The following TMCC2 variants were observed in gnomAD, a reference collection of about 807,000 sequenced individuals.
The protein encoded by TMCC2 is transmembrane and coiled-coil domains protein 2.
TMCC2 carries 16 observed loss-of-function variants against 49.4 expected under a neutral mutation model. That is an observed-to-expected ratio of 0.32 (90% CI 0.22 to 0.49). TMCC2 has a LOEUF of 0.49. Ranked by LOEUF, TMCC2 falls within the 20% of genes least tolerant of loss-of-function variation. The pLI is 0.99. For synonymous variants in TMCC2, 397 were observed against 434.1 expected (o/e 0.91, Z 1.06); for missense variants, 762 against 989.8 (o/e 0.77, Z 3.09).
chr1:205,265,194 AG>A (rs1661274028), intron 2 of TMCC2, among the ~76,000 whole-genome samples: 1 of 152,182 alleles, frequency 6.6e-6, no homozygotes, highest in Non-Finnish European at 1.5e-5. Context: ...CGAGGGGGCC[AG>A]GGCTTCAGCC....
At chr1:205,263,764 G>A (rs1222189347) in intron 2 of TMCC2, among the ~76,000 whole-genome samples, 1 of 152,192 alleles carries the variant, frequency 6.6e-6, no homozygotes, top group Non-Finnish European at 1.5e-5. Context: ...CATCGCTGTG[G>A]AGTGAGGCTG....
chr1:205,261,122 G>A (rs1364508824), intron 2 of TMCC2, among the ~76,000 whole-genome samples: 5 of 151,584 alleles, frequency 3.3e-5, no homozygotes, highest in African/African-American at 4.9e-5. Context: ...TTCCACATCA[G>A]CTGTGCTGTT....
At chr1:205,267,857 G>T in intron 2 of TMCC2, 1 of 985,080 alleles carries the variant, frequency 1.0e-6, no homozygotes, top group Non-Finnish European at 1.2e-6. Context: ...GCAAAGCTGG[G>T]CGGCTAGTAG....
chr1:205,267,947 GC>G, intron 2 of TMCC2: 1 of 985,288 alleles, frequency 1.0e-6, no homozygotes, highest in Non-Finnish European at 1.2e-6. Context: ...GACCTGGCCA[GC>G]AGGGTGGGGG....
At position 205,241,454 on chromosome 1, in the gene TMCC2, G is replaced by T. The variant is rs780095346; in HGVS notation, c.208-51G>T. 1.3e-6 allele frequency: 2 copies of T among 1,580,196 alleles called. No homozygotes were observed. Among genetic ancestry groups the T allele is most frequent in the Non-Finnish European group, 1.7e-6 (2 of 1,159,386 alleles). On this transcript the variant is annotated intron_variant, in intron 1 of 4. Transcript: ENST00000358024. This position sits in a 1 kb window ranked among gnomAD's most constrained non-coding sequence, Gnocchi z 7.3. ...TTCACCTTCACCCTCCTACTGACTAGGCAATCAAGAGCTTTCCACTCACCA... is the reference window on the plus strand; with the variant it reads ...TTCACCTTCACCCTCCTACTGACTATGCAATCAAGAGCTTTCCACTCACCA...
intron 2 of TMCC2, chr1:205,257,277 G>A (rs1212141104): frequency 4.9e-6 from 6 of 1,232,118 alleles, no homozygotes; most frequent in African/African-American, 1.6e-5. Flanking sequence ...CTGTGACCCC[G>A]GGGGCCTGAC....
intron 2 of TMCC2, among the ~76,000 whole-genome samples, chr1:205,261,796 G>T (rs1440688453): frequency 2.0e-5 from 3 of 152,132 alleles, no homozygotes; most frequent in Admixed American, 6.5e-5. Context: ...TCATCGTCCT[G>T]ATAGCTCTCA....
At chr1:205,250,006 C>T (rs1458267255) in intron 2 of TMCC2, among the ~76,000 whole-genome samples, 1 of 152,226 alleles carries the variant, frequency 6.6e-6, no homozygotes, top group African/African-American at 2.4e-5. Context: ...GAAGTTTCTT[C>T]CTTTAGTCTG....
intron 2 of TMCC2, among the ~76,000 whole-genome samples, chr1:205,243,391 A>T (rs1660344553): frequency 7.0e-6 from 1 of 141,982 alleles, no homozygotes; most frequent in Non-Finnish European, 1.6e-5. Context: ...CTCAAAAAAA[A>T]AGAAAAAACC....
intron 1 of TMCC2, among the ~76,000 whole-genome samples, chr1:205,232,659 G>A (rs952584786): frequency 2.6e-5 from 4 of 152,224 alleles, no homozygotes; most frequent in African/African-American, 9.6e-5. Flanking sequence ...GGCCGGGAGC[G>A]GTGGGTGGCT....
At chr1:205,255,962 T>G (rs1404134401) in intron 2 of TMCC2, among the ~76,000 whole-genome samples, 1 of 152,216 alleles carries the variant, frequency 6.6e-6, no homozygotes, top group Non-Finnish European at 1.5e-5. Flanking sequence ...TAATATGCTT[T>G]GCCAGGCTTC....
At chr1:205,232,955 A>C (rs1225092186) in intron 1 of TMCC2, among the ~76,000 whole-genome samples, 1 of 143,676 alleles carries the variant, frequency 7.0e-6, no homozygotes, top group African/African-American at 2.6e-5. Flanking sequence ...AAAAAAAAAA[A>C]AAAAACACAA....
At chr1:205,256,100 TG>T in intron 2 of TMCC2, 2 of 908,602 alleles carry the variant, frequency 2.2e-6, no homozygotes, top group Non-Finnish European at 3.1e-6. Flanking sequence ...GAGATAGCAC[TG>T]GGCCCTTATC....
rs1202407995 is a variant in TMCC2, at chr1:205,269,777, G to A, written c.1575G>A (p.Glu525=). 1.2e-6 allele frequency: 2 copies of A among 1,614,190 alleles called. No individual in the cohort carries two copies. ...ATGCTCTGCTGGAAGAGCTACGGGA[G>A]ATCAAGGAGGGACAGTCTCACCTGG... ...NLDALLEELR[E]IKEGQSHLED... Residue 525 remains glutamate, a synonymous_variant, in exon 3 of 5, where the codon GAG becomes GAA. Coordinates refer to ENST00000358024, the MANE Select transcript of TMCC2 (RefSeq NM_014858.4).
Position 205,241,718 on chromosome 1 carries a change from CT to C in TMCC2, c.422del (p.Leu141ArgfsTer118). 6.2e-7 allele frequency: 1 copy of C among 1,613,482 alleles called. No homozygotes were observed. Among genetic ancestry groups the C allele is most frequent in the Non-Finnish European group, 8.5e-7 (1 of 1,180,020 alleles). On this transcript the variant is annotated frameshift_variant, in exon 2 of 5. Coordinates refer to ENST00000358024, the MANE Select transcript of TMCC2 (RefSeq NM_014858.4). LOFTEE classifies it high-confidence loss of function. This position sits in a 1 kb window ranked among gnomAD's most constrained non-coding sequence, Gnocchi z 7.3. ...CTCCTACGCCATGTCCCTGCACGAC[CT>C]GCCCGCCCGGCCCACCGCCTTCAAC... The part of the protein sequence containing the change: ...RVSYAMSLHD[L>X]PARPTAFNRV...
intron 1 of TMCC2, among the ~76,000 whole-genome samples, chr1:205,235,333 C>T (rs1250981756): frequency 6.6e-6 from 1 of 152,172 alleles, no homozygotes; most frequent in Non-Finnish European, 1.5e-5. Flanking sequence ...CCCAGCTGCC[C>T]TAGTTGTTCT....
intron 1 of TMCC2, among the ~76,000 whole-genome samples, chr1:205,231,246 C>T (rs770958534): frequency 2.0e-5 from 3 of 151,966 alleles, no homozygotes; most frequent in Non-Finnish European, 4.4e-5. Flanking sequence ...TCAACTTTTC[C>T]GAGCCTTTTT....
chr1:205,267,576 G>A (rs891307059), intron 2 of TMCC2, among the ~76,000 whole-genome samples: 1 of 152,150 alleles, frequency 6.6e-6, no homozygotes, highest in Non-Finnish European at 1.5e-5. Context: ...CTCAGCTGTG[G>A]ACAGAAAGAT....
In TMCC2 at chr1:205,228,362, G is replaced by A; in HGVS notation, c.-203G>A. 1.9e-6 allele frequency: 1 copy of A among 536,392 alleles called. No individual in the cohort carries two copies. The highest frequency in any genetic ancestry group is 3.3e-6 in the Non-Finnish European group (1 of 299,924). 33.2% of individuals were successfully genotyped at this position (536,392 alleles called of 1,614,324 possible). ...CCCAGGTCGAAATGAACTATTCCAAGCTATAACCAAGGCTCCCCCTTCTCG... is the reference window on the plus strand; with the variant it reads ...CCCAGGTCGAAATGAACTATTCCAAACTATAACCAAGGCTCCCCCTTCTCG... On this transcript the variant is annotated 5_prime_UTR_variant, in exon 1 of 5. Transcript: ENST00000358024.
Sources: allele counts gnomAD v4.1 joint callset (sites outside exome capture counted in the v4.1 genomes callset), GRCh38; gene constraint gnomAD v4.1.1; non-coding constraint Gnocchi (gnomAD v3.1); transcripts MANE v1.5; gene names NCBI Gene and HGNC (gene_info 2026-07-23, HGNC 2026-07-21).